PPIP5K2: variants seen among roughly 807,000 people sequenced by gnomAD.
PPIP5K2 encodes the protein diphosphoinositol pentakisphosphate kinase 2, also known as inositol hexakisphosphate and diphosphoinositol-pentakisphosphate kinase 2.
In PPIP5K2, 105 loss-of-function variants were observed where a neutral mutation model predicts 154.6. The observed-to-expected ratio is 0.68, with a 90% CI of 0.58 to 0.80. The LOEUF (loss-of-function observed/expected upper bound fraction) is 0.80, where lower values mean the gene tolerates loss of function less well. Among genes scored for constraint, PPIP5K2 ranks in the 30% least tolerant of loss-of-function variants. The pLI is 0.00. For missense variants in PPIP5K2, 992 were observed against 1,504.6 expected, an observed-to-expected ratio of 0.66 and a Z score of 5.64; for synonymous variants, 480 against 490.3, an observed-to-expected ratio of 0.98 and a Z score of 0.28.
chr5:103,168,773 C>T (rs1427298462), intron 19 of PPIP5K2, among the ~76,000 whole-genome samples: 1 of 151,648 alleles, frequency 6.6e-6, no homozygotes, highest in Non-Finnish European at 1.5e-5. Flanking sequence ...ATCATAGTAG[C>T]ATACAGAGTA....
At chr5:103,183,840 A>T (rs1799951124) in intron 25 of PPIP5K2, among the ~76,000 whole-genome samples, 1 of 152,214 alleles carries the variant, frequency 6.6e-6, no homozygotes, top group South Asian at 2.1e-4. Flanking sequence ...TGAGAAGGTA[A>T]ACATTTTTTA....
At chr5:103,177,385 T>TAC (rs1554221314) in intron 21 of PPIP5K2, among the ~76,000 whole-genome samples, 37 of 152,112 alleles carry the variant, frequency 2.4e-4, no homozygotes, top group African/African-American at 7.9e-4. Flanking sequence ...AGTGTCATGT[T>TAC]AGTGCTCAAA....
At chr5:103,196,126 C>T (rs1802057626) in intron 30 of PPIP5K2, among the ~76,000 whole-genome samples, 1 of 152,092 alleles carries the variant, frequency 6.6e-6, no homozygotes, top group Non-Finnish European at 1.5e-5. Flanking sequence ...TTACTTCTCC[C>T]CAAATAAATT....
chr5:103,176,351 CTCA>C (rs1406440501), intron 21 of PPIP5K2, among the ~76,000 whole-genome samples: 7 of 151,906 alleles, frequency 4.6e-5, no homozygotes, highest in African/African-American at 1.2e-4. Flanking sequence ...AGTATTTAAA[CTCA>C]TCATTTGTGC....
At chr5:103,123,142 T>C (rs1702487195) in intron 1 of PPIP5K2, among the ~76,000 whole-genome samples, 1 of 152,230 alleles carries the variant, frequency 6.6e-6, no homozygotes, top group African/African-American at 2.4e-5. Flanking sequence ...CATAACAACA[T>C]TTAACAAAAT....
chr5:103,209,910 C>T lies in PPIP5K2; in HGVS notation c.*8276C>T, dbSNP rs1554232493. ...AGTCATATCATTACGACTTTTTTTT[C>T]ATGCCACATAGATATGCTGATTTGT... On this transcript the variant is annotated 3_prime_UTR_variant, in exon 31 of 31. Transcript: ENST00000358359. The T allele has an allele frequency of 6.6e-6, 1 of 151,952 alleles. No homozygotes were observed. The highest frequency in any genetic ancestry group is 2.4e-5 in the African/African-American group (1 of 41,398). The allele number at this position is 151,952 out of a possible 1,614,324, so 9.4% of individuals were successfully genotyped here.
chr5:103,183,206 T>TCCC, intron 24 of PPIP5K2, 28 bp from the exon 25 acceptor site: 1 of 919,486 alleles, frequency 1.1e-6, no homozygotes, highest in South Asian at 4.5e-5. Flanking sequence ...TTTTTTTTTT[T>TCCC]TTTTTTTGCC....
chr5:103,183,598 T>C (rs1554223914), intron 25 of PPIP5K2, among the ~76,000 whole-genome samples, 191 bp downstream of exon 25: 4 of 152,180 alleles, frequency 2.6e-5, no homozygotes, highest in Admixed American at 1.3e-4. Context: ...TTACATGGCA[T>C]GTGTTTAGTA....
At chr5:103,151,139 A>G in intron 8 of PPIP5K2, 114 bp from the exon 9 acceptor site, 1 of 787,482 alleles carries the variant, frequency 1.3e-6, no homozygotes, top group Non-Finnish European at 1.9e-6. Flanking sequence ...AAACCACTAT[A>G]TAGTAATATA....
intron 1 of PPIP5K2, among the ~76,000 whole-genome samples, chr5:103,125,547 G>A (rs1789523487): frequency 6.7e-6 from 1 of 150,048 alleles, no homozygotes; most frequent in South Asian, 2.1e-4. Context: ...TTCACTTTAT[G>A]TCCTTTAGAG....
At chr5:103,172,161 A>C (rs1554219716) in intron 19 of PPIP5K2, among the ~76,000 whole-genome samples, 1 of 151,716 alleles carries the variant, frequency 6.6e-6, no homozygotes, top group Non-Finnish European at 1.5e-5. Flanking sequence ...TTTTAATTCC[A>C]ACATTTTTCT....
At chr5:103,142,554 A>G (rs32841) in intron 5 of PPIP5K2, among the ~76,000 whole-genome samples, 60,187 of 152,082 alleles carry the variant, frequency 0.4, 12,630 homozygotes, top group African/African-American at 0.53. Flanking sequence ...AGGAGGCGCC[A>G]AGAGCGAGCG....
At chr5:103,169,351 T>C (rs1562460484) in intron 19 of PPIP5K2, among the ~76,000 whole-genome samples, 1 of 151,678 alleles carries the variant, frequency 6.6e-6, no homozygotes, top group Non-Finnish European at 1.5e-5. Context: ...CAGGAAAATA[T>C]TAAATACATG....
At chr5:103,201,487 C>G (rs1404735877) in intron 30 of PPIP5K2, 35 bp from the exon 31 acceptor site, 4 of 1,261,412 alleles carry the variant, frequency 3.2e-6, no homozygotes, top group Non-Finnish European at 4.4e-6. Context: ...TAAATTTAAG[C>G]AATAGTTTTT....
rs546442677 is a variant in PPIP5K2, at chr5:103,205,660, A to G, written c.*4026A>G. 4.6e-5 allele frequency: 7 copies of G among 152,198 alleles called. No homozygotes were observed. In the East Asian group the frequency reaches 1.4e-3, roughly 29 times the overall value. 9.4% of individuals were successfully genotyped at this position (152,198 alleles called of 1,614,324 possible). A position where few individuals can be genotyped will look rare whatever the true frequency, so the allele number is the denominator to read the frequency against. ...TCTTTTCGCTTAGGGATCACTGTCA[A>G]TTTCTCCTTTTATTATCAATGGTTT... On this transcript the variant is annotated 3_prime_UTR_variant, in exon 31 of 31. Transcript: ENST00000358359.
At chr5:103,132,195 A>G (rs1026839080) in intron 2 of PPIP5K2, among the ~76,000 whole-genome samples, 4 of 152,168 alleles carry the variant, frequency 2.6e-5, no homozygotes, top group African/African-American at 7.2e-5. Context: ...TTTGAACTCT[A>G]CATTTCATGA....
intron 2 of PPIP5K2, among the ~76,000 whole-genome samples, 152 bp from the exon 3 acceptor site, chr5:103,133,298 CAAT>C (rs1414932294): frequency 1.3e-5 from 2 of 152,134 alleles, no homozygotes; most frequent in Non-Finnish European, 2.9e-5. Flanking sequence ...TTTATTATAA[CAAT>C]GATATAATTT....
intron 21 of PPIP5K2, among the ~76,000 whole-genome samples, chr5:103,176,128 G>A (rs1554220888): frequency 6.6e-6 from 1 of 151,798 alleles, no homozygotes; most frequent in South Asian, 2.1e-4. Flanking sequence ...TGTGTAATGG[G>A]GCCTTAATTT....
chr5:103,145,961 T>C (rs1212501043), intron 5 of PPIP5K2, among the ~76,000 whole-genome samples: 1 of 152,090 alleles, frequency 6.6e-6, no homozygotes, highest in African/African-American at 2.4e-5. Flanking sequence ...TTACACATTG[T>C]ATGCCTGTAT....
Sources: gnomAD v4.1 joint callset for allele counts (sites outside exome capture counted in the v4.1 genomes callset) on GRCh38, gnomAD v4.1.1 for gene constraint, MANE v1.5 for transcripts, NCBI Gene and HGNC (gene_info 2026-07-23, HGNC 2026-07-21) for gene names.